LIMK1: variants seen among roughly 807,000 people sequenced by gnomAD.
LIMK1 encodes the protein LIM domain kinase 1.
LIMK1 carries 21 observed loss-of-function variants against 77.6 expected under a neutral mutation model. That is an observed-to-expected ratio of 0.27 (90% confidence interval 0.19 to 0.39). LIMK1 has a LOEUF of 0.39. LIMK1 is among the 10% of genes least tolerant of loss of function. LIMK1 has a pLI of 1.00. For missense variants in LIMK1, 696 were observed against 901.6 expected, an observed-to-expected ratio of 0.77 and a Z score of 2.92; for synonymous variants, 358 against 370.0, an observed-to-expected ratio of 0.97 and a Z score of 0.37.
At chr7:74,107,849 C>A in intron 8 of LIMK1, 22 bp from the exon 9 acceptor site, 1 of 1,549,034 alleles carries the variant, frequency 6.5e-7, no homozygotes, top group Non-Finnish European at 8.7e-7. Context: ...TCTGTCTTCA[C>A]ACCTCTGTGT....
At chr7:74,084,644 C>T (rs1554693812) in intron 1 of LIMK1, among the ~76,000 whole-genome samples, 2 of 152,166 alleles carry the variant, frequency 1.3e-5, no homozygotes, top group Non-Finnish European at 2.9e-5. Flanking sequence ...TGTCCGTGCC[C>T]CAAACCCGGT....
intron 5 of LIMK1, among the ~76,000 whole-genome samples, chr7:74,102,484 CTTTTTTTTT>C (rs71094754): frequency 3.7e-5 from 2 of 54,042 alleles, no homozygotes; most frequent in Non-Finnish European, 7.1e-5. Flanking sequence ...AGGACCTTCT[CTTTTTTTTT>C]TTTTTTTTTG....
At chr7:74,111,887 G>A (rs782450885) in intron 11 of LIMK1, 46 bp from the exon 12 acceptor site, 1 of 1,555,032 alleles carries the variant, frequency 6.4e-7, no homozygotes, top group South Asian at 1.1e-5. Flanking sequence ...ATGGGCTGGG[G>A]TCCCTCTGCA....
At chr7:74,112,058 C>A in intron 12 of LIMK1, 60 bp downstream of exon 12, 1 of 1,353,432 alleles carries the variant, frequency 7.4e-7, no homozygotes, top group Non-Finnish European at 1.0e-6. Context: ...CATCCAACCC[C>A]AGCCTCAGGG....
At chr7:74,087,653 G>C (rs74326730) in intron 2 of LIMK1, among the ~76,000 whole-genome samples, 3 of 152,050 alleles carry the variant, frequency 2.0e-5, no homozygotes, top group Non-Finnish European at 4.4e-5. Flanking sequence ...GCAGTGGCGC[G>C]ATCCCTCCTC....
At chr7:74,107,287 T>G (rs1799597073) in intron 8 of LIMK1, 94 bp downstream of exon 8, 1 of 1,366,918 alleles carries the variant, frequency 7.3e-7, no homozygotes, top group South Asian at 1.5e-5. Flanking sequence ...GGAAGGGGTA[T>G]CTGGCTTCCA....
At chr7:74,089,262 C>T (rs1326114024) in intron 2 of LIMK1, among the ~76,000 whole-genome samples, 1 of 151,570 alleles carries the variant, frequency 6.6e-6, no homozygotes, top group Non-Finnish European at 1.5e-5. Flanking sequence ...TAATCCCAGC[C>T]CTTTGGGAGG....
intron 2 of LIMK1, among the ~76,000 whole-genome samples, chr7:74,092,760 G>A (rs189029470): frequency 6.6e-6 from 1 of 152,154 alleles, no homozygotes; most frequent in African/African-American, 2.4e-5. Flanking sequence ...GAGCAGCGGC[G>A]GGATGCAACC....
chr7:74,115,768 CG>C, intron 12 of LIMK1, 33 bp from the exon 13 acceptor site: 2 of 1,607,010 alleles, frequency 1.2e-6, no homozygotes, highest in Admixed American at 3.4e-5. Context: ...GTACTAGGAT[CG>C]GGTCCCAGCA....
At position 74,121,620 on chromosome 7, in the gene LIMK1, C is replaced by T; in HGVS notation, c.*319C>T. ...TTACGCCCCTTTCCACACGCCGCTGCCCCAGCAACCCTGTTCACGCTCCAC... is the reference window on the plus strand; with the variant it reads ...TTACGCCCCTTTCCACACGCCGCTGTCCCAGCAACCCTGTTCACGCTCCAC... On this transcript the variant is annotated 3_prime_UTR_variant, in exon 16 of 16. Coordinates refer to ENST00000336180, the MANE Select transcript of LIMK1 (RefSeq NM_002314.4). 3.0e-6 allele frequency: 1 copy of T among 331,086 alleles called. No homozygotes were observed. Among genetic ancestry groups the T allele is most frequent in the Admixed American group, 4.5e-5 (1 of 22,080 alleles). The allele number at this position is 331,086 out of a possible 1,614,324, so 20.5% of individuals were successfully genotyped here.
At position 74,108,891 on chromosome 7, in the gene LIMK1, T is replaced by C; in HGVS notation, c.1153-14T>C. The C allele has an allele frequency of 6.2e-7, 1 of 1,611,886 alleles. No individual in the cohort carries two copies. On this transcript the variant is annotated splice_polypyrimidine_tract_variant and intron_variant, in intron 9 of 15. Coordinates refer to ENST00000336180, the MANE Select transcript of LIMK1 (RefSeq NM_002314.4). The stretch of plus-strand genomic sequence containing the variant: ...CACACAGAGCCCGGGCCCAGCCTGT[T>C]TGTGCCCCGCCAGGTGAAGGTCATG...
intron 2 of LIMK1, among the ~76,000 whole-genome samples, chr7:74,088,801 C>CAAAAAA (rs145728454): frequency 1.5e-5 from 1 of 67,078 alleles, no homozygotes. Flanking sequence ...GACTCCATCT[C>CAAAAAA]AAAAAAAAAA....
chr7:74,117,564 T>G lies in LIMK1; in HGVS notation c.1567+1606T>G, dbSNP rs188139702. ...CTATATATGCCCAGATTATAGGTTA[T>G]AAAGTCCTTCTACAAGCAGGTGACA... On this transcript the variant is annotated intron_variant, in intron 13 of 15. Coordinates refer to ENST00000336180, the MANE Select transcript of LIMK1 (RefSeq NM_002314.4). 1.2e-4 allele frequency among the ~76,000 whole-genome samples: 18 copies of G among 152,168 alleles called. No individual in the cohort carries two copies. The East Asian group carries it at 3.5e-3, about 29-fold the overall frequency.
At chr7:74,105,190 G>A (rs937818540) in intron 5 of LIMK1, among the ~76,000 whole-genome samples, 9 of 152,120 alleles carry the variant, frequency 5.9e-5, no homozygotes, top group Admixed American at 3.9e-4. Context: ...CTGACTTCAA[G>A]TAATCCATCC....
chr7:74,092,550 T>C (rs810531), intron 2 of LIMK1, among the ~76,000 whole-genome samples: 134,492 of 152,194 alleles, frequency 0.88, 60,421 homozygotes, highest in South Asian at 0.96. Context: ...TTGCAGGCCC[T>C]GCCTCCCGGA....
At chr7:74,111,824 G>C (rs923603566) in intron 11 of LIMK1, 109 bp from the exon 12 acceptor site, 1 of 1,431,840 alleles carries the variant, frequency 7.0e-7, no homozygotes, top group Non-Finnish European at 9.8e-7. Flanking sequence ...GGGAAGAATC[G>C]TCCCGACTGG....
chr7:74,095,850 C>T (rs1799327269), intron 2 of LIMK1, among the ~76,000 whole-genome samples: 1 of 152,176 alleles, frequency 6.6e-6, no homozygotes, highest in Non-Finnish European at 1.5e-5. Flanking sequence ...CATTCCTCCC[C>T]ATCTGCCCTT....
chr7:74,116,129 C>G (rs914447397), intron 13 of LIMK1, among the ~76,000 whole-genome samples, 171 bp downstream of exon 13: 34 of 152,216 alleles, frequency 2.2e-4, no homozygotes, highest in Admixed American at 1.1e-3. Context: ...CACGGTGGCT[C>G]ACGCCTGTAA....
intron 1 of LIMK1, among the ~76,000 whole-genome samples, chr7:74,084,911 TG>T (rs1554693857): frequency 6.6e-6 from 1 of 152,080 alleles, no homozygotes; most frequent in African/African-American, 2.4e-5. Context: ...AAAACCTGAT[TG>T]GGGTAGGGGC....
Sources: allele counts gnomAD v4.1 joint callset (sites outside exome capture counted in the v4.1 genomes callset), GRCh38; gene constraint gnomAD v4.1.1; transcripts MANE v1.5; gene names NCBI Gene and HGNC (gene_info 2026-07-23, HGNC 2026-07-21).